Variants in TNIK observed in about 807,000 individuals in gnomAD.
TNIK encodes TRAF2 and NCK-interacting protein kinase.
In TNIK, 49 loss-of-function variants were observed where a neutral mutation model predicts 191.3. The ratio of observed to expected loss-of-function variants is 0.26; its 90% CI spans 0.20 to 0.32. The LOEUF (loss-of-function observed/expected upper bound fraction) is 0.32, where lower values mean the gene tolerates loss of function less well. Ranked by LOEUF, TNIK falls within the 10% of genes least tolerant of loss-of-function variation. TNIK has a pLI of 1.00. For synonymous variants in TNIK, 594 were observed against 600.9 expected, an observed-to-expected ratio of 0.99 and a Z score of 0.17; for missense variants, 1,155 against 1,702.3, an observed-to-expected ratio of 0.68 and a Z score of 5.66.
At chr3:171,393,485 A>C (rs1719835838) in intron 1 of TNIK, among the ~76,000 whole-genome samples, 1 of 152,196 alleles carries the variant, frequency 6.6e-6, no homozygotes, top group Non-Finnish European at 1.5e-5. Context: ...CCATGACCCT[A>C]CCACTGGTTT....
In TNIK at chr3:171,061,332, G is replaced by C. The variant is rs985648566; in HGVS notation, c.*2549C>G. The C allele has an allele frequency of 2.0e-5, 3 of 151,804 alleles. No individual in the cohort carries two copies. The highest frequency in any genetic ancestry group is 7.3e-5 in the African/African-American group (3 of 41,240). The allele number at this position is 151,804 out of a possible 1,614,324, so 9.4% of individuals were successfully genotyped here. A position where few individuals can be genotyped will look rare whatever the true frequency, so the allele number is the denominator to read the frequency against. On this transcript the variant is annotated 3_prime_UTR_variant, in exon 33 of 33. Transcript: ENST00000436636. ...AAATATTAGTACAAAAATATAAAAGGCATGGCTTGATGTTTAACGTGTGTT... is the reference window on the plus strand; with the variant it reads ...AAATATTAGTACAAAAATATAAAAGCCATGGCTTGATGTTTAACGTGTGTT...
intron 2 of TNIK, among the ~76,000 whole-genome samples, chr3:171,237,968 T>C (rs73879515): frequency 0.054 from 8,260 of 152,252 alleles, 772 homozygotes; most frequent in African/African-American, 0.19. Flanking sequence ...CAACATTCTT[T>C]AACAGTCCCA....
intron 2 of TNIK, among the ~76,000 whole-genome samples, chr3:171,267,710 C>A (rs971937238): frequency 2.0e-5 from 3 of 152,102 alleles, no homozygotes; most frequent in African/African-American, 7.2e-5. Flanking sequence ...GTGACTACAG[C>A]CTTTTAGATA....
Position 171,399,146 on chromosome 3 carries a change from T to C in TNIK, c.58-29461A>G, listed in dbSNP as rs537142039. ...GAATTTCTCCAAAGCATGCAGAGAA[T>C]AGAGAAAATTCAAAACCAGTCTCTA... On this transcript the variant is annotated intron_variant, in intron 1 of 32. Coordinates refer to ENST00000436636, the MANE Select transcript of TNIK (RefSeq NM_015028.4). Among the ~76,000 whole-genome samples the C allele has an allele frequency of 7.2e-5, 11 of 152,336 alleles. No individual in the cohort carries two copies. In the East Asian group the frequency reaches 2.1e-3, roughly 29 times the overall value.
At chr3:171,127,405 C>G (rs1218117781) in intron 16 of TNIK, among the ~76,000 whole-genome samples, 1 of 151,470 alleles carries the variant, frequency 6.6e-6, no homozygotes, top group Non-Finnish European at 1.5e-5. Flanking sequence ...GTATAAAACA[C>G]AAACCCACTT....
At chr3:171,316,942 GAT>G (rs1184924623) in intron 2 of TNIK, among the ~76,000 whole-genome samples, 1 of 129,172 alleles carries the variant, frequency 7.7e-6, no homozygotes, top group African/African-American at 2.9e-5. Context: ...ATAATTATAT[GAT>G]ATATATCATA....
chr3:171,286,160 G>C lies in TNIK; in HGVS notation c.124-57939C>G, dbSNP rs532706954. On this transcript the variant is annotated intron_variant, in intron 2 of 32. Coordinates refer to ENST00000436636, the MANE Select transcript of TNIK (RefSeq NM_015028.4). The stretch of plus-strand genomic sequence containing the variant: ...AGAACATCTGAATTAACTAAAGATG[G>C]TGGAAGAGACAAAAGATTAGGTTAG... 2.0e-5 allele frequency among the ~76,000 whole-genome samples: 3 copies of C among 152,272 alleles called. No homozygotes were observed. The South Asian group carries it at 6.2e-4, about 32-fold the overall frequency.
At chr3:171,127,065 A>G (rs1728577974) in intron 16 of TNIK, among the ~76,000 whole-genome samples, 1 of 152,244 alleles carries the variant, frequency 6.6e-6, no homozygotes. Context: ...GCTCATCGTC[A>G]TATCCCCTAG....
At chr3:171,394,599 G>T (rs780773625) in intron 1 of TNIK, among the ~76,000 whole-genome samples, 26 of 152,176 alleles carry the variant, frequency 1.7e-4, no homozygotes, top group Admixed American at 2.6e-4. Flanking sequence ...TGAAAGGATG[G>T]ATGAACAAAC....
chr3:171,178,893 A>C (rs1736295642), intron 7 of TNIK, among the ~76,000 whole-genome samples: 1 of 152,226 alleles, frequency 6.6e-6, no homozygotes, highest in African/African-American at 2.4e-5. Flanking sequence ...GCTTCATAAA[A>C]TTCATAACCT....
chr3:171,087,535 TAGAG>T (rs903942259), intron 23 of TNIK, 29 bp from the exon 24 acceptor site: 61 of 1,606,328 alleles, frequency 3.8e-5, no homozygotes, highest in Non-Finnish European at 5.0e-5. Context: ...TGGGAGGAGT[TAGAG>T]AGGGGGGAAA....
chr3:171,385,139 G>C (rs1718558366), intron 1 of TNIK, among the ~76,000 whole-genome samples: 1 of 152,138 alleles, frequency 6.6e-6, no homozygotes. Flanking sequence ...TTTGAGGATG[G>C]AGTTTTAGTG....
intron 2 of TNIK, among the ~76,000 whole-genome samples, chr3:171,368,636 G>C (rs1337448362): frequency 2.6e-5 from 4 of 152,170 alleles, no homozygotes; most frequent in African/African-American, 9.6e-5. Context: ...AGAATCTCGA[G>C]AATACCCTAT....
At chr3:171,459,824 T>C (rs1338809653) in intron 1 of TNIK, among the ~76,000 whole-genome samples, 183 bp downstream of exon 1, 2 of 152,014 alleles carry the variant, frequency 1.3e-5, no homozygotes, top group African/African-American at 4.8e-5. Flanking sequence ...GCACAGCCCC[T>C]GCCGTAGGGG....
intron 2 of TNIK, among the ~76,000 whole-genome samples, chr3:171,356,672 T>C (rs1577611857): frequency 6.6e-6 from 1 of 152,308 alleles, no homozygotes; most frequent in East Asian, 1.9e-4. Flanking sequence ...GGGAAACTTC[T>C]GAGTGGAGGT....
chr3:171,092,240 G>A (rs1270614265), intron 23 of TNIK, among the ~76,000 whole-genome samples: 5 of 152,038 alleles, frequency 3.3e-5, no homozygotes, highest in South Asian at 2.1e-4. Context: ...GAGCCACCGC[G>A]CCCGGCTGCA....
At chr3:171,290,429 C>G (rs1260292476) in intron 2 of TNIK, among the ~76,000 whole-genome samples, 1 of 152,120 alleles carries the variant, frequency 6.6e-6, no homozygotes, top group East Asian at 1.9e-4. Context: ...TTCTCATTGA[C>G]TCTATTTTGA....
At chr3:171,421,429 T>C (rs1308968557) in intron 1 of TNIK, among the ~76,000 whole-genome samples, 1 of 152,200 alleles carries the variant, frequency 6.6e-6, no homozygotes, top group Non-Finnish European at 1.5e-5. Flanking sequence ...CCTCTTTCCA[T>C]AGCCCCTTCA....
chr3:171,417,732 G>A (rs572280181), intron 1 of TNIK, among the ~76,000 whole-genome samples: 19 of 152,124 alleles, frequency 1.2e-4, no homozygotes, highest in African/African-American at 4.1e-4. Context: ...ATACTTACTA[G>A]CACCCTTTTG....
Sources: allele counts gnomAD v4.1 joint callset (sites outside exome capture counted in the v4.1 genomes callset), GRCh38; gene constraint gnomAD v4.1.1; transcripts MANE v1.5; gene names NCBI Gene and HGNC (gene_info 2026-07-23, HGNC 2026-07-21).